Variants in CTCFL observed in about 807,000 individuals in gnomAD.
The protein encoded by CTCFL is CCCTC-binding factor like.
CTCFL carries 36 observed loss-of-function variants against 67.4 expected under a neutral mutation model. The observed-to-expected ratio is 0.53, with a 90% confidence interval of 0.41 to 0.71. The LOEUF (loss-of-function observed/expected upper bound fraction) is 0.71, where lower values mean the gene tolerates loss of function less well. CTCFL is among the 30% of genes least tolerant of loss of function. The pLI is 0.00. For missense variants in CTCFL, 786 were observed against 835.2 expected (o/e 0.94, Z 0.73); for synonymous variants, 324 against 302.3 (o/e 1.07, Z -0.75).
chr20:57,503,801 AC>A (rs992513776), intron 9 of CTCFL, among the ~76,000 whole-genome samples, 200 bp from the exon 10 acceptor site: 1 of 151,930 alleles, frequency 6.6e-6, no homozygotes, highest in African/African-American at 2.4e-5. Context: ...AGGCACTGTG[AC>A]TCACGTATGT....
At chr20:57,506,651 T>C in intron 9 of CTCFL, 1 of 311,014 alleles carries the variant, frequency 3.2e-6, no homozygotes. Flanking sequence ...TACTGAGTTA[T>C]AAGAGTTCTT....
intron 10 of CTCFL, chr20:57,500,298 T>C (rs1435471009): frequency 2.9e-6 from 2 of 697,044 alleles, no homozygotes; most frequent in Non-Finnish European, 4.1e-6. Context: ...CTAAAAATAA[T>C]AGAACAATTA....
chr20:57,514,539 C>A, intron 7 of CTCFL, 53 bp downstream of exon 7: 1 of 1,598,900 alleles, frequency 6.3e-7, no homozygotes, highest in Non-Finnish European at 8.5e-7. Flanking sequence ...TAGGACCACG[C>A]TCCAAAGAGC....
At chr20:57,507,468 G>C in intron 9 of CTCFL, 1 of 661,064 alleles carries the variant, frequency 1.5e-6, no homozygotes, top group Non-Finnish European at 2.8e-6. Context: ...GAAGTACTGG[G>C]ATTACAGGTG....
rs1481361496 is a variant in CTCFL, at chr20:57,523,225, C to T, written c.597G>A (p.Gln199=). 6.2e-7 allele frequency: 1 copy of T among 1,614,014 alleles called. No homozygotes were observed. Residue 199 remains glutamine (Q), a synonymous_variant, in exon 3 of 11, where the codon CAG becomes CAA. Transcript: ENST00000243914. ...CTGACATTGTTTCCACAAAAAAGAG[C>T]TGCTCCTTTGTTCTTTCAGCCAATA... The part of the protein sequence containing the change: ...NQLLAERTKE[Q]LFFVETMSGD...
At position 57,523,935 on chromosome 20, in the gene CTCFL, CTTCAGAAGTGAA is replaced by C; in HGVS notation, c.259_270del (p.Phe87_Glu90del). On this transcript the variant is annotated inframe_deletion, in exon 2 of 11. Transcript: ENST00000243914. ...AAGCTCATATCCTGCAACTCCACAG[CTTCAGAAGTGAA>C]GTGCACCGTCTGCAGGGTCAGGATG... 1 of 1,613,154 alleles carries C rather than the reference CTTCAGAAGTGAA, an allele frequency of 6.2e-7. No homozygotes were observed. The highest frequency in any genetic ancestry group is 8.5e-7 in the Non-Finnish European group (1 of 1,180,036).
intron 9 of CTCFL, chr20:57,507,883 G>A (rs1053619587): frequency 2.8e-6 from 2 of 702,718 alleles, no homozygotes; most frequent in African/African-American, 3.5e-5. Context: ...ACACCTAAAA[G>A]AATAAAACCA....
At position 57,523,874 on chromosome 20, in the gene CTCFL, A is replaced by G; in HGVS notation, c.332T>C (p.Val111Ala). Reference protein sequence around the residue: ...SIQQQEGVQVVVQQPGPGLLW... With the variant: ...SIQQQEGVQVAVQQPGPGLLW... ...CAACCCAGGGCCAGGCTGTTGCACC[A>G]CCACCTGCACCCCTTCTTGCTGCTG... The change falls in exon 2 of 11, where the codon GTG becomes GCG. Residue 111 changes from valine to alanine, a missense_variant. Physicochemically the swap from Val to Ala is moderately conservative, Grantham distance 64 (BLOSUM62 0). This residue lies in a region of CTCFL where 333 missense variants were observed against 304.6 expected (regional missense o/e 1.09). Transcript: ENST00000243914. 2 of 1,613,128 alleles carry G rather than the reference A, an allele frequency of 1.2e-6. No individual in the cohort carries two copies. The highest frequency in any genetic ancestry group is 1.7e-6 in the Non-Finnish European group (2 of 1,180,020).
At position 57,519,217 on chromosome 20, in the gene CTCFL, G is replaced by GT. The variant is rs752300788; in HGVS notation, c.914dup (p.Asn305LysfsTer12). 1.2e-6 allele frequency: 2 copies of GT among 1,614,170 alleles called. No individual in the cohort carries two copies. The highest frequency in any genetic ancestry group is 2.2e-5 in the South Asian group (2 of 91,084). On this transcript the variant is annotated frameshift_variant, in exon 4 of 11. Transcript: ENST00000243914. LOFTEE classifies it high-confidence loss of function. ...TCCCGGCAGTTTTACCTGTGTGGGT[G>GT]TTAACATGGTTCCGCAGCAGAGTGA...
At chr20:57,496,081 T>A (rs976900745), downstream of CTCFL, 1 of 399,504 alleles carries the variant, frequency 2.5e-6, no homozygotes, top group African/African-American at 2.1e-5. Context: ...TGAATTGTAA[T>A]CCCCAGTGTT....
chr20:57,523,806 C>G lies in CTCFL; in HGVS notation c.400G>C (p.Val134Leu). ...AGCTCTTGCTGGATACTAATGGCCA[C>G]ACACTGCTGCAGGCTCTGCCGGGGC... ...EGPRQSLQQC[V>L]AISIQQELYS... Residue 134 changes from valine (V) to leucine (L), a missense_variant, in exon 2 of 11, where the codon GTG becomes CTG. Physicochemically the swap from Val to Leu is conservative, Grantham distance 32. Around this residue, in one of 3 missense-constraint regions of CTCFL, gnomAD observed 333 missense variants for 304.6 expected, o/e 1.09. Coordinates refer to ENST00000243914, the MANE Select transcript of CTCFL (RefSeq NM_001386993.1). 1 of 1,613,186 alleles carries G rather than the reference C, an allele frequency of 6.2e-7. No individual in the cohort carries two copies. Among genetic ancestry groups the G allele is most frequent in the Non-Finnish European group, 8.5e-7 (1 of 1,180,044 alleles).
At chr20:57,521,116 A>G (rs906050533) in intron 3 of CTCFL, among the ~76,000 whole-genome samples, 2 of 152,234 alleles carry the variant, frequency 1.3e-5, no homozygotes, top group African/African-American at 4.8e-5. Flanking sequence ...GGCTTTGCCA[A>G]CACCTCAATT....
At chr20:57,524,380 G>A in intron 1 of CTCFL, 164 bp from the exon 2 acceptor site, 1 of 1,444,364 alleles carries the variant, frequency 6.9e-7, no homozygotes, top group Non-Finnish European at 9.0e-7. Flanking sequence ...TCTGGCTTGG[G>A]TCTAGGAGGG....
At chr20:57,505,503 G>A (rs6025595) in intron 9 of CTCFL, among the ~76,000 whole-genome samples, 2,820 of 152,144 alleles carry the variant, frequency 0.019, 71 homozygotes, top group African/African-American at 0.057. Context: ...TGATCCGCCC[G>A]CCTCGGCCTC....
intron 5 of CTCFL, chr20:57,518,523 G>C: frequency 7.1e-7 from 1 of 1,411,646 alleles, no homozygotes; most frequent in Non-Finnish European, 9.3e-7. Flanking sequence ...TGGTTTATTT[G>C]TAATTTGTAA....
At position 57,498,262 on chromosome 20, in the gene CTCFL, A is replaced by C. The variant is rs974427071; in HGVS notation, c.*288T>G. On this transcript the variant is annotated 3_prime_UTR_variant, in exon 11 of 11. Coordinates refer to ENST00000243914, the MANE Select transcript of CTCFL (RefSeq NM_001386993.1). ...GGTGTTACCCTCTCATTCAAGGTTT[A>C]AAACTTTTATAAAATACCTGCAATG... is the stretch of plus-strand genomic sequence containing the variant. The C allele has an allele frequency of 2.7e-5, 29 of 1,066,276 alleles. No homozygotes were observed. The highest frequency in any genetic ancestry group is 3.3e-5 in the Non-Finnish European group (29 of 881,782). The allele number at this position is 1,066,276 out of a possible 1,614,324, so 66.1% of individuals were successfully genotyped here. A position where few individuals can be genotyped will look rare whatever the true frequency, so the allele number is the denominator to read the frequency against.
chr20:57,496,257 G>A (rs770937689), downstream of CTCFL: 13 of 677,638 alleles, frequency 1.9e-5, 1 homozygote, highest in Admixed American at 8.4e-5. Context: ...CTTTCACCAT[G>A]TGACGCGCCT....
At chr20:57,517,147 A>G (rs1217393977) in intron 5 of CTCFL, among the ~76,000 whole-genome samples, 1 of 152,236 alleles carries the variant, frequency 6.6e-6, no homozygotes, top group Non-Finnish European at 1.5e-5. Context: ...AGAAAGCAAA[A>G]CAAAAAGAAT....
chr20:57,499,316 G>C (rs2067804048), intron 10 of CTCFL, among the ~76,000 whole-genome samples: 1 of 152,186 alleles, frequency 6.6e-6, no homozygotes. Flanking sequence ...TCTGTGGGTT[G>C]CGCGTTCTGC....
Sources: allele counts gnomAD v4.1 joint callset (sites outside exome capture counted in the v4.1 genomes callset), GRCh38; gene constraint gnomAD v4.1.1; regional missense constraint gnomAD v4.1.1; transcripts MANE v1.5; gene names NCBI Gene and HGNC (gene_info 2026-07-23, HGNC 2026-07-21).